Variants in PDE7B observed in about 807,000 individuals in gnomAD.
PDE7B encodes the protein phosphodiesterase 7B.
A neutral mutation model predicts 56.2 loss-of-function variants in PDE7B; 29 were observed. That is an observed-to-expected ratio of 0.52 (90% CI 0.38 to 0.70). The LOEUF (loss-of-function observed/expected upper bound fraction) is 0.70. Ranked by LOEUF, PDE7B falls within the 30% of genes least tolerant of loss-of-function variation. The pLI, the probability that PDE7B is intolerant of heterozygous loss-of-function variation, is 0.00. For missense variants in PDE7B, 490 were observed against 565.0 expected, an observed-to-expected ratio of 0.87 and a Z score of 1.35; for synonymous variants, 197 against 196.9, an observed-to-expected ratio of 1.00 and a Z score of 0.00.
chr6:136,011,662 C>T (rs1050648548), intron 2 of PDE7B, among the ~76,000 whole-genome samples: 2 of 152,096 alleles, frequency 1.3e-5, no homozygotes, highest in Non-Finnish European at 2.9e-5. Context: ...GGAAGCATCC[C>T]AGTATGTGTA....
chr6:136,111,183 C>A (rs948375317), intron 3 of PDE7B: 1 of 152,028 alleles, frequency 6.6e-6, no homozygotes, highest in Non-Finnish European at 1.5e-5. Flanking sequence ...TTTAATGTAT[C>A]AAAGACACCC....
intron 2 of PDE7B, among the ~76,000 whole-genome samples, chr6:135,974,262 A>G (rs1266798151): frequency 6.6e-6 from 1 of 152,030 alleles, no homozygotes; most frequent in African/African-American, 2.4e-5. Context: ...TCTCATTCCA[A>G]TTAACCAAAT....
intron 1 of PDE7B, among the ~76,000 whole-genome samples, chr6:135,883,630 C>T (rs1436789082): frequency 6.6e-6 from 1 of 152,220 alleles, no homozygotes; most frequent in African/African-American, 2.4e-5. Flanking sequence ...AAAGAACTTT[C>T]ATCAAGTGCT....
chr6:136,074,617 C>T (rs1777101906), intron 2 of PDE7B, among the ~76,000 whole-genome samples: 1 of 152,160 alleles, frequency 6.6e-6, no homozygotes, highest in African/African-American at 2.4e-5. Context: ...ATTCTACTCC[C>T]TATCTCCATG....
At chr6:136,174,154 A>G (rs1204076978) in intron 9 of PDE7B, among the ~76,000 whole-genome samples, 1 of 152,152 alleles carries the variant, frequency 6.6e-6, no homozygotes, top group Non-Finnish European at 1.5e-5. Context: ...CAGTTTTCAC[A>G]CGCTTCAGTA....
intron 3 of PDE7B, among the ~76,000 whole-genome samples, chr6:136,117,785 G>A (rs971866551): frequency 6.6e-6 from 1 of 152,154 alleles, no homozygotes; most frequent in Non-Finnish European, 1.5e-5. Flanking sequence ...GGAAGCACAG[G>A]AGGATTGCTG....
At chr6:135,878,299 T>G (rs1775539293) in intron 1 of PDE7B, among the ~76,000 whole-genome samples, 1 of 152,200 alleles carries the variant, frequency 6.6e-6, no homozygotes, top group South Asian at 2.1e-4. Flanking sequence ...ATAGTGTGTT[T>G]ATAGTGGGAA....
chr6:136,107,277 C>G (rs973362808), intron 2 of PDE7B, among the ~76,000 whole-genome samples: 3 of 152,126 alleles, frequency 2.0e-5, no homozygotes, highest in African/African-American at 7.2e-5. Context: ...CACCTTACTT[C>G]GGGAAAAAGG....
rs1779150878 is a variant in PDE7B, at chr6:136,186,675, G to A, written c.1046-361G>A. Among the ~76,000 whole-genome samples, 10 of 152,152 alleles carry A rather than the reference G, an allele frequency of 6.6e-5. No individual in the cohort carries two copies. In the South Asian group the frequency reaches 2.1e-3, roughly 31 times the overall value. On this transcript the variant is annotated intron_variant, in intron 11 of 12. Coordinates refer to ENST00000308191, the MANE Select transcript of PDE7B (RefSeq NM_018945.4). ...TGAAAGTAGAGGAGGGAGAAGGAAG[G>A]ACAAAACCTGTTTTCTTAACCTGTC...
chr6:136,110,329 A>T (rs1160890281), intron 3 of PDE7B, among the ~76,000 whole-genome samples: 1 of 152,126 alleles, frequency 6.6e-6, no homozygotes, highest in Admixed American at 6.5e-5. Context: ...CACGGAAGTT[A>T]CACCTTTGAC....
At chr6:136,118,367 T>C (rs553544252) in intron 3 of PDE7B, among the ~76,000 whole-genome samples, 8 of 152,358 alleles carry the variant, frequency 5.3e-5, no homozygotes, top group African/African-American at 1.9e-4. Context: ...CAGGATATTT[T>C]CAAAACAGCC....
At chr6:136,183,365 G>T (rs1412750542) in intron 11 of PDE7B, among the ~76,000 whole-genome samples, 1 of 151,928 alleles carries the variant, frequency 6.6e-6, no homozygotes, top group Admixed American at 6.6e-5. Flanking sequence ...AGGCCAAGGC[G>T]GGCGGATCAT....
intron 2 of PDE7B, among the ~76,000 whole-genome samples, chr6:135,992,331 G>A (rs1313695121): frequency 6.6e-6 from 1 of 152,172 alleles, no homozygotes; most frequent in Non-Finnish European, 1.5e-5. Context: ...GATGGGACTA[G>A]CTTGTTCTAG....
intron 1 of PDE7B, among the ~76,000 whole-genome samples, chr6:135,895,143 AG>A (rs1775875701): frequency 6.6e-6 from 1 of 152,088 alleles, no homozygotes; most frequent in African/African-American, 2.4e-5. Flanking sequence ...AAAAAAAAGG[AG>A]TTAGATACAA....
chr6:136,186,758 T>C (rs1265928270), intron 11 of PDE7B, among the ~76,000 whole-genome samples: 4 of 152,208 alleles, frequency 2.6e-5, no homozygotes, highest in Non-Finnish European at 4.4e-5. Context: ...TTTCTTGTTT[T>C]TGTAGGTCTT....
intron 3 of PDE7B, among the ~76,000 whole-genome samples, chr6:136,139,315 C>G (rs569162324): frequency 6.6e-6 from 1 of 152,188 alleles, no homozygotes; most frequent in Admixed American, 6.5e-5. Context: ...CTTTTTATGG[C>G]TGCATAGTAT....
intron 2 of PDE7B, among the ~76,000 whole-genome samples, chr6:135,973,644 T>A (rs1256649202): frequency 6.6e-6 from 1 of 152,226 alleles, no homozygotes; most frequent in Non-Finnish European, 1.5e-5. Context: ...TGTTGTCTTT[T>A]TTCTCATAAG....
chr6:135,947,508 A>C lies in PDE7B; in HGVS notation c.66A>C (p.Lys22Asn). The change falls in exon 2 of 13, where the codon AAA becomes AAC. Residue 22 changes from lysine (K) to asparagine (N), a missense_variant. By Grantham distance (94) the Lys-to-Asn change is moderately conservative. Coordinates refer to ENST00000308191, the MANE Select transcript of PDE7B (RefSeq NM_018945.4). ...TTGAGAACCCCGATCAGAATGCCAAATGTGTTTGCATGCTGGGTAAGAAGG... is the reference window on the plus strand; with the variant it reads ...TTGAGAACCCCGATCAGAATGCCAACTGTGTTTGCATGCTGGGTAAGAAGG... ...ILFENPDQNA[K>N]CVCMLGDIRL... is the part of the protein sequence containing the mutation. 1 of 1,609,938 alleles carries C rather than the reference A, an allele frequency of 6.2e-7. No individual in the cohort carries two copies. Among genetic ancestry groups the C allele is most frequent in the Non-Finnish European group, 8.5e-7 (1 of 1,176,414 alleles).
intron 2 of PDE7B, chr6:136,038,418 TG>T: frequency 7.7e-7 from 1 of 1,290,852 alleles, no homozygotes; most frequent in Non-Finnish European, 1.0e-6. Context: ...CCCTGGGACT[TG>T]CCAGAGATGA....
Sources: gnomAD v4.1 joint callset for allele counts (sites outside exome capture counted in the v4.1 genomes callset) on GRCh38, gnomAD v4.1.1 for gene constraint, MANE v1.5 for transcripts, NCBI Gene and HGNC (gene_info 2026-07-23, HGNC 2026-07-21) for gene names.